The following EFCAB6 variants were observed in gnomAD, a reference collection of about 807,000 sequenced individuals.
EFCAB6 encodes EF-hand calcium binding domain 6.
A neutral mutation model predicts 169.8 loss-of-function variants in EFCAB6; 156 were observed. That is an observed-to-expected ratio of 0.92 (90% confidence interval 0.81 to 1.05). EFCAB6 has a LOEUF of 1.05. Among genes scored for constraint, EFCAB6 ranks in the 50% least tolerant of loss-of-function variants. The pLI is 0.00. For synonymous variants in EFCAB6, 698 were observed against 676.4 expected, an observed-to-expected ratio of 1.03 and a Z score of -0.50; for missense variants, 1,800 against 1,829.1, an observed-to-expected ratio of 0.98 and a Z score of 0.29.
intron 2 of EFCAB6, among the ~76,000 whole-genome samples, chr22:43,783,253 T>G (rs765042938): frequency 6.6e-6 from 1 of 152,150 alleles, no homozygotes; most frequent in Non-Finnish European, 1.5e-5. Flanking sequence ...ACGGGGCAAA[T>G]AATAGGCAAC....
At position 43,635,198 on chromosome 22, in the gene EFCAB6, T is replaced by A; in HGVS notation, c.2002A>T (p.Met668Leu). ...GCATACTGATCATCGTCCATGGGCA[T>A]CCCAGTGTCTTCCAGTACCTGACGA... ...DFKKVLEDTG[M>L]PMDDDQYALL... The change falls in exon 18 of 32, where the codon ATG (methionine) becomes TTG (leucine). Residue 668 changes from methionine to leucine, a missense_variant. Physicochemically the swap from Met to Leu is conservative, Grantham distance 15 (BLOSUM62 2). Coordinates refer to ENST00000262726, the MANE Select transcript of EFCAB6 (RefSeq NM_022785.4). The A allele has an allele frequency of 6.2e-7, 1 of 1,614,100 alleles. No individual in the cohort carries two copies. Among genetic ancestry groups the A allele is most frequent in the Non-Finnish European group, 8.5e-7 (1 of 1,179,978 alleles).
intron 26 of EFCAB6, among the ~76,000 whole-genome samples, chr22:43,560,761 A>G (rs2048979072): frequency 6.6e-6 from 1 of 152,218 alleles, no homozygotes; most frequent in Non-Finnish European, 1.5e-5. Context: ...CTGAAGTCAC[A>G]GAACCAACAG....
intron 2 of EFCAB6, among the ~76,000 whole-genome samples, chr22:43,804,627 G>A (rs542458303): frequency 6.6e-6 from 1 of 152,138 alleles, no homozygotes; most frequent in East Asian, 1.9e-4. Context: ...AGCTGGGAAT[G>A]GTGGTGGCAC....
At chr22:43,770,267 T>C (rs931693328) in intron 4 of EFCAB6, among the ~76,000 whole-genome samples, 6 of 152,146 alleles carry the variant, frequency 3.9e-5, no homozygotes, top group Admixed American at 1.3e-4. Context: ...CTCCAAAGCA[T>C]TGGGATTACA....
At chr22:43,699,379 G>A (rs2058688454) in intron 10 of EFCAB6, among the ~76,000 whole-genome samples, 1 of 152,138 alleles carries the variant, frequency 6.6e-6, no homozygotes, top group South Asian at 2.1e-4. Flanking sequence ...GTTCATTTCA[G>A]TAACTGCTCC....
chr22:43,599,084 GC>G (rs996345160), intron 23 of EFCAB6, among the ~76,000 whole-genome samples: 6 of 152,136 alleles, frequency 3.9e-5, no homozygotes, highest in Non-Finnish European at 8.8e-5. Flanking sequence ...TACACATACT[GC>G]CCAAAACGTA....
At chr22:43,679,706 T>G (rs1385172819) in intron 12 of EFCAB6, among the ~76,000 whole-genome samples, 2 of 152,194 alleles carry the variant, frequency 1.3e-5, no homozygotes, top group Non-Finnish European at 2.9e-5. Context: ...ATCTCGTGGC[T>G]TTGAGTTTCT....
At chr22:43,535,648 C>T (rs1158998665) in intron 29 of EFCAB6, 6 of 152,218 alleles carry the variant, frequency 3.9e-5, no homozygotes, top group Admixed American at 3.3e-4. Flanking sequence ...TTGAAGGAGG[C>T]TTATGTAAGA....
intron 7 of EFCAB6, among the ~76,000 whole-genome samples, chr22:43,734,459 A>G (rs2060062324): frequency 6.6e-6 from 1 of 152,202 alleles, no homozygotes; most frequent in Non-Finnish European, 1.5e-5. Flanking sequence ...TTATTATTCA[A>G]TACTTATGAG....
chr22:43,548,060 C>T (rs2048165630), intron 27 of EFCAB6, among the ~76,000 whole-genome samples: 1 of 152,032 alleles, frequency 6.6e-6, no homozygotes, highest in African/African-American at 2.4e-5. Context: ...GGCGCCACTG[C>T]ACTCCACCCT....
intron 26 of EFCAB6, among the ~76,000 whole-genome samples, chr22:43,566,995 C>T (rs1288412785): frequency 2.6e-5 from 4 of 152,160 alleles, no homozygotes; most frequent in Admixed American, 6.5e-5. Flanking sequence ...CCCAGGAAGC[C>T]CCGTCTCCTG....
intron 2 of EFCAB6, among the ~76,000 whole-genome samples, chr22:43,797,073 T>C (rs2062537202): frequency 6.6e-6 from 1 of 152,212 alleles, no homozygotes; most frequent in African/African-American, 2.4e-5. Context: ...ACTCAGTAAA[T>C]GCTTGTTGCC....
intron 17 of EFCAB6, among the ~76,000 whole-genome samples, chr22:43,649,799 A>G (rs539096733): frequency 3.3e-5 from 5 of 152,298 alleles, no homozygotes; most frequent in Non-Finnish European, 7.4e-5. Context: ...AAAATCTGAG[A>G]GAAGGGTGAA....
chr22:43,656,161 C>T (rs5764186), intron 17 of EFCAB6, among the ~76,000 whole-genome samples: 5 of 151,896 alleles, frequency 3.3e-5, no homozygotes, highest in African/African-American at 4.8e-5. Context: ...GAGGCCAAGG[C>T]GGGTGGATCA....
At chr22:43,557,960 G>A (rs537959074) in intron 26 of EFCAB6, among the ~76,000 whole-genome samples, 1 of 152,252 alleles carries the variant, frequency 6.6e-6, no homozygotes, top group Non-Finnish European at 1.5e-5. Flanking sequence ...GTATAAAATA[G>A]AAATAGAATG....
chr22:43,684,853 G>A (rs759677038), intron 11 of EFCAB6, among the ~76,000 whole-genome samples: 6 of 152,182 alleles, frequency 3.9e-5, no homozygotes, highest in Non-Finnish European at 4.4e-5. Context: ...GCTCTTTGCT[G>A]TGGGGACTCA....
At chr22:43,606,020 G>A (rs1270769010) in intron 22 of EFCAB6, among the ~76,000 whole-genome samples, 1 of 152,220 alleles carries the variant, frequency 6.6e-6, no homozygotes, top group East Asian at 1.9e-4. Context: ...GGGTCACCAG[G>A]TGAATGTGTG....
intron 26 of EFCAB6, among the ~76,000 whole-genome samples, chr22:43,569,286 T>A (rs943792905): frequency 6.6e-6 from 1 of 152,240 alleles, no homozygotes; most frequent in Non-Finnish European, 1.5e-5. Context: ...TGAGAGTGAA[T>A]CTCAGCAGCC....
intron 17 of EFCAB6, among the ~76,000 whole-genome samples, chr22:43,645,627 C>T (rs899066290): frequency 6.6e-6 from 1 of 152,152 alleles, no homozygotes; most frequent in African/African-American, 2.4e-5. Flanking sequence ...TTACTACTTT[C>T]TAAAGTTTAT....
Sources: gnomAD v4.1 joint callset for allele counts (sites outside exome capture counted in the v4.1 genomes callset) on GRCh38, gnomAD v4.1.1 for gene constraint, MANE v1.5 for transcripts, NCBI Gene and HGNC (gene_info 2026-07-23, HGNC 2026-07-21) for gene names.